Variants in ACTR3C observed in about 807,000 individuals in gnomAD.
ACTR3C encodes the protein actin-related protein 3C.
A neutral mutation model predicts 26.3 loss-of-function variants in ACTR3C; 18 were observed. The ratio of observed to expected loss-of-function variants is 0.68; its 90% CI spans 0.47 to 1.01. ACTR3C has a LOEUF of 1.01. ACTR3C is among the 50% of genes least tolerant of loss of function. The probability of loss-of-function intolerance (pLI) is 0.00; values close to 1 mark genes in which losing one functional copy is unlikely to be tolerated. For synonymous variants in ACTR3C, 55 were observed against 94.5 expected (o/e 0.58, Z 2.42); for missense variants, 184 against 250.7 (o/e 0.73, Z 1.80).
chr7:150,076,593 A>C, the ACTR3C span: 1 of 152,118 alleles, frequency 6.6e-6, no homozygotes, highest in Admixed American at 6.5e-5. Context: ...CCTGTAGGAT[A>C]AATTCCTCTC....
At chr7:150,180,031 C>T in the ACTR3C span, among the ~76,000 whole-genome samples, 7 of 151,064 alleles carry the variant, frequency 4.6e-5, no homozygotes, top group Non-Finnish European at 4.4e-5. Flanking sequence ...CGTGGCCGGG[C>T]GCAGTGGCTC....
chr7:150,117,594 T>C, the ACTR3C span, among the ~76,000 whole-genome samples: 1 of 152,206 alleles, frequency 6.6e-6, no homozygotes, highest in African/African-American at 2.4e-5. Context: ...CAGGGGCATA[T>C]AGATAAAACT....
chr7:150,036,212 C>A, the ACTR3C span, among the ~76,000 whole-genome samples: 1 of 146,442 alleles, frequency 6.8e-6, no homozygotes, highest in East Asian at 1.9e-4. Context: ...GGGGATGGAT[C>A]TCAGCCATCA....
At chr7:149,937,497 C>T in the ACTR3C span, among the ~76,000 whole-genome samples, 5 of 152,056 alleles carry the variant, frequency 3.3e-5, no homozygotes, top group East Asian at 5.8e-4. Context: ...GCTGAAAATC[C>T]ACCAAAATAA....
At chr7:150,254,813 G>A (rs1365654302) in intron 6 of ACTR3C, among the ~76,000 whole-genome samples, 1 of 152,086 alleles carries the variant, frequency 6.6e-6, no homozygotes, top group Non-Finnish European at 1.5e-5. Context: ...ACTGGCTTTC[G>A]GTGCAGCAAG....
intron 6 of ACTR3C, among the ~76,000 whole-genome samples, chr7:150,279,097 G>A (rs751383819): frequency 1.4e-4 from 21 of 152,114 alleles, no homozygotes; most frequent in East Asian, 3.8e-4. Context: ...GAGGCCAGGC[G>A]TTTAAGACCA....
chr7:150,040,158 C>T, the ACTR3C span, among the ~76,000 whole-genome samples: 1 of 148,144 alleles, frequency 6.8e-6, no homozygotes, highest in Non-Finnish European at 1.5e-5. Context: ...CAGGTTTTAC[C>T]CAAGAATCAG....
At chr7:150,199,672 A>G in the ACTR3C span, among the ~76,000 whole-genome samples, 1 of 138,154 alleles carries the variant, frequency 7.2e-6, no homozygotes, top group Non-Finnish European at 1.5e-5. Context: ...ATAAAACATT[A>G]ATAGTACAAG....
At chr7:149,924,193 T>C in the ACTR3C span, among the ~76,000 whole-genome samples, 1 of 149,942 alleles carries the variant, frequency 6.7e-6, no homozygotes, top group South Asian at 2.1e-4. Context: ...CTGGCCAACA[T>C]GGTGGAAGCC....
chr7:149,954,178 G>C, the ACTR3C span, among the ~76,000 whole-genome samples: 1 of 151,614 alleles, frequency 6.6e-6, no homozygotes, highest in African/African-American at 2.4e-5. Flanking sequence ...TAATTTTCAT[G>C]GTTTTATTAA....
chr7:150,039,271 G>A, the ACTR3C span, among the ~76,000 whole-genome samples: 1 of 151,320 alleles, frequency 6.6e-6, no homozygotes, highest in East Asian at 2.0e-4. Flanking sequence ...CTGCCTCGGG[G>A]GGGTGCCTCC....
At chr7:150,048,176 G>C in the ACTR3C span, among the ~76,000 whole-genome samples, 2 of 152,062 alleles carry the variant, frequency 1.3e-5, no homozygotes, top group Non-Finnish European at 2.9e-5. Flanking sequence ...TAATCAAAGA[G>C]ATTGAAGGAA....
chr7:150,066,366 T>G, the ACTR3C span, among the ~76,000 whole-genome samples: 2 of 152,230 alleles, frequency 1.3e-5, no homozygotes, highest in African/African-American at 4.8e-5. Flanking sequence ...TGGACTTCCA[T>G]TCCCTCAGCT....
the ACTR3C span, among the ~76,000 whole-genome samples, chr7:150,071,958 G>A: frequency 2.1e-5 from 3 of 145,872 alleles, 1 homozygote; most frequent in Non-Finnish European, 4.6e-5. Flanking sequence ...AGCAGTATCT[G>A]CTTCTATCAG....
At chr7:150,304,392 A>G (rs1795649966) in intron 1 of ACTR3C, among the ~76,000 whole-genome samples, 1 of 152,162 alleles carries the variant, frequency 6.6e-6, no homozygotes, top group South Asian at 2.1e-4. Context: ...TTTCAAGATA[A>G]TCATGTATTC....
At chr7:150,120,863 C>T in the ACTR3C span, among the ~76,000 whole-genome samples, 1 of 152,166 alleles carries the variant, frequency 6.6e-6, no homozygotes, top group African/African-American at 2.4e-5. Flanking sequence ...CTGAATACAG[C>T]AGCAGATCAA....
chr7:150,087,300 G>C, the ACTR3C span, among the ~76,000 whole-genome samples: 10 of 151,946 alleles, frequency 6.6e-5, no homozygotes, highest in African/African-American at 2.2e-4. Context: ...ATTTAAACAT[G>C]GCAACAAAGT....
the ACTR3C span, among the ~76,000 whole-genome samples, chr7:150,206,256 T>C: frequency 6.6e-6 from 1 of 152,224 alleles, no homozygotes. Context: ...TCTATGTCTT[T>C]GTTCAAGTTT....
In ACTR3C at chr7:150,274,811, G is replaced by A. The variant is rs1028575210; in HGVS notation, c.564+9942C>T. On this transcript the variant is annotated intron_variant, in intron 6 of 7. Coordinates refer to ENST00000683684, the MANE Select transcript of ACTR3C (RefSeq NM_001164458.2). This position sits in a 1 kb window ranked among gnomAD's most constrained non-coding sequence, Gnocchi z 4.1. ...ACAAAAGCCAAAAGCCAATATGATC[G>A]ATTCTAAAAAAAACACTTAATTCAG... 4.6e-5 allele frequency among the ~76,000 whole-genome samples: 7 copies of A among 152,136 alleles called. No homozygotes were observed. The highest frequency in any genetic ancestry group is 1.9e-4 in the East Asian group (1 of 5,194).
Sources: allele counts gnomAD v4.1 joint callset (sites outside exome capture counted in the v4.1 genomes callset), GRCh38; gene constraint gnomAD v4.1.1; non-coding constraint Gnocchi (gnomAD v3.1); transcripts MANE v1.5; gene names NCBI Gene and HGNC (gene_info 2026-07-23, HGNC 2026-07-21).